Variants in KRT75 observed in about 807,000 individuals in gnomAD.
KRT75 encodes the protein keratin 75, also known as keratin, type II cytoskeletal 75.
In KRT75, 35 loss-of-function variants were observed where a neutral mutation model predicts 48.8. That is an observed-to-expected ratio of 0.72 (90% CI 0.55 to 0.95). The LOEUF is 0.95. KRT75 is among the 40% of genes least tolerant of loss of function. The pLI, the probability that KRT75 is intolerant of heterozygous loss-of-function variation, is 0.00. For missense variants in KRT75, 776 were observed against 709.9 expected (o/e 1.09, Z -1.06); for synonymous variants, 301 against 282.3 (o/e 1.07, Z -0.66).
At chr12:52,426,646 C>T (rs1940079050) in intron 8 of KRT75, among the ~76,000 whole-genome samples, 171 bp downstream of exon 8, 2 of 152,216 alleles carry the variant, frequency 1.3e-5, no homozygotes, top group African/African-American at 2.4e-5. Flanking sequence ...TTAAAGACTC[C>T]TAATATGGCT....
At chr12:52,432,202 A>C in intron 2 of KRT75, 136 bp from the exon 3 acceptor site, 1 of 760,354 alleles carries the variant, frequency 1.3e-6, no homozygotes, top group Non-Finnish European at 2.2e-6. Flanking sequence ...TGGGTGATTC[A>C]TTTAACCTCT....
chr12:52,428,941 C>A (rs928944625), intron 5 of KRT75, among the ~76,000 whole-genome samples, 198 bp from the exon 6 acceptor site: 1 of 152,178 alleles, frequency 6.6e-6, no homozygotes, highest in East Asian at 1.9e-4. Context: ...TAGTTCCACA[C>A]TAAGATAAGT....
intron 8 of KRT75, among the ~76,000 whole-genome samples, chr12:52,424,968 C>T (rs1022974457): frequency 3.9e-5 from 6 of 152,198 alleles, no homozygotes; most frequent in Admixed American, 1.3e-4. Context: ...ATGGCTTCCT[C>T]CTCCCCTTCC....
intron 7 of KRT75, among the ~76,000 whole-genome samples, chr12:52,427,168 G>A (rs1940085191): frequency 6.6e-6 from 1 of 152,220 alleles, no homozygotes; most frequent in Non-Finnish European, 1.5e-5. Flanking sequence ...CAACTGGAAA[G>A]AAGGGCCTGT....
chr12:52,424,778 G>C (rs1238869347), intron 8 of KRT75, 23 bp from the exon 9 acceptor site: 1 of 1,574,308 alleles, frequency 6.4e-7, no homozygotes, highest in Non-Finnish European at 8.7e-7. Flanking sequence ...GAGGAGGTGT[G>C]GTCAGATCAA....
chr12:52,433,975 G>A lies in KRT75; in HGVS notation c.330C>T (p.Gly110=). The A allele has an allele frequency of 6.2e-7, 1 of 1,614,156 alleles. No homozygotes were observed. The highest frequency in any genetic ancestry group is 8.5e-7 in the Non-Finnish European group (1 of 1,180,012). The change falls in exon 1 of 9, where the codon GGC becomes GGT. Residue 110 remains glycine (G), a synonymous_variant. Transcript: ENST00000252245. ...YGGGVGGGFS[G]PSFPVCPPGG... is the part of the protein sequence containing the mutation. ...CAGGGGGACACACGGGGAAGCTGGG[G>A]CCACTGAAGCCTCCTCCAACTCCAC...
intron 7 of KRT75, 179 bp downstream of exon 7, chr12:52,428,077 C>T: frequency 1.3e-6 from 1 of 798,986 alleles, no homozygotes; most frequent in Non-Finnish European, 2.0e-6. Flanking sequence ...GTAGTTGCAC[C>T]TCAAATGATT....
intron 8 of KRT75, 54 bp from the exon 9 acceptor site, chr12:52,424,809 G>A: frequency 2.2e-6 from 3 of 1,372,370 alleles, no homozygotes; most frequent in South Asian, 2.3e-5. Flanking sequence ...GAAGACAGCT[G>A]GGAGTGTGAG....
In KRT75 at chr12:52,428,332, C is replaced by G. The variant is rs572169334; in HGVS notation, c.1306G>C (p.Glu436Gln). ...DMARLLREYQ[E>Q]LMNIKLALDV... is the part of the protein sequence containing the mutation. Reference sequence around the variant, plus strand: ...AGGGCCAGCTTGATGTTCATCAGCTCCTGGTACTCACGCAGGAGCCGAGCC... The same window carrying G: ...AGGGCCAGCTTGATGTTCATCAGCTGCTGGTACTCACGCAGGAGCCGAGCC... Residue 436 changes from glutamate (E) to glutamine (Q), a missense_variant, in exon 7 of 9, where the codon GAG becomes CAG. Physicochemically the swap from Glu to Gln is conservative, Grantham distance 29 (BLOSUM62 2). Coordinates refer to ENST00000252245, the MANE Select transcript of KRT75 (RefSeq NM_004693.3). 6.2e-7 allele frequency: 1 copy of G among 1,613,960 alleles called. No individual in the cohort carries two copies. The highest frequency in any genetic ancestry group is 1.3e-5 in the African/African-American group (1 of 74,894).
chr12:52,424,856 G>T (rs1940058748), intron 8 of KRT75, 101 bp from the exon 9 acceptor site: 1 of 913,508 alleles, frequency 1.1e-6, no homozygotes, highest in Non-Finnish European at 1.8e-6. Flanking sequence ...GGGAGGGGGT[G>T]GTCTCGTCAG....
chr12:52,432,941 G>A (rs369685904), intron 2 of KRT75, 97 bp downstream of exon 2: 70 of 1,248,398 alleles, frequency 5.6e-5, no homozygotes, highest in African/African-American at 4.6e-4. Context: ...CAAAGCTCCC[G>A]GCTGATATCG....
chr12:52,429,943 C>T (rs1417325760), intron 5 of KRT75, among the ~76,000 whole-genome samples: 1 of 152,206 alleles, frequency 6.6e-6, no homozygotes, highest in African/African-American at 2.4e-5. Context: ...CAGCCTTCCT[C>T]TTCCTGACAT....
intron 2 of KRT75, 90 bp downstream of exon 2, chr12:52,432,948 A>G: frequency 1.5e-6 from 2 of 1,315,000 alleles, no homozygotes; most frequent in Non-Finnish European, 1.1e-6. Flanking sequence ...CCCGGCTGAT[A>G]TCGGCATTTG....
rs1207796176 is a variant in KRT75, at chr12:52,424,542, G to A, written c.1631C>T (p.Ser544Phe). The A allele has an allele frequency of 8.1e-6, 13 of 1,614,198 alleles. No individual in the cohort carries two copies. Among genetic ancestry groups the A allele is most frequent in the Non-Finnish European group, 1.1e-5 (13 of 1,180,028 alleles). ...SSVKFVSTTS[S>F]SQKSYTH Reference sequence around the variant, plus strand: ...TTAGTGCGTGTAGCTCTTCTGGCTGGAGGATGTGGTGGAGACAAACTTGAC... The same window carrying A: ...TTAGTGCGTGTAGCTCTTCTGGCTGAAGGATGTGGTGGAGACAAACTTGAC... Residue 544 changes from serine (S) to phenylalanine (F), a missense_variant, in exon 9 of 9, where the codon TCC (serine) becomes TTC (phenylalanine). Transcript: ENST00000252245.
Position 52,433,125 on chromosome 12 carries a change from C to T in KRT75, c.626G>A (p.Arg209Gln), listed in dbSNP as rs2232390. Residue 209 changes from arginine to glutamine, a missense_variant, in exon 2 of 9, where the codon CGG becomes CAG. Transcript: ENST00000252245. ...CTCGGTGGTGATGCTTTCCAGCTGC[C>T]GTCGGAGCTCACTGGTATAGGAATC... is the stretch of plus-strand genomic sequence containing the variant. ...LFDSYTSELR[R>Q]QLESITTERG... The T allele has an allele frequency of 6.8e-4, 1,087 of 1,610,138 alleles. 1 individual carries two copies. The African/African-American group carries it at 8.6e-3, about 13-fold the overall frequency.
At chr12:52,431,853 C>T (rs1033509354) in intron 3 of KRT75, among the ~76,000 whole-genome samples, 153 bp downstream of exon 3, 18 of 152,144 alleles carry the variant, frequency 1.2e-4, no homozygotes, top group South Asian at 4.1e-4. Flanking sequence ...GGGCCATCAA[C>T]GTAGAGGGAA....
intron 4 of KRT75, among the ~76,000 whole-genome samples, chr12:52,431,165 C>T (rs1291293067): frequency 1.3e-5 from 2 of 151,440 alleles, no homozygotes; most frequent in South Asian, 2.1e-4. Context: ...TAGGAAGCCC[C>T]CTGACCAATG....
intron 8 of KRT75, among the ~76,000 whole-genome samples, chr12:52,425,442 A>T (rs1940065232): frequency 6.6e-6 from 1 of 152,200 alleles, no homozygotes; most frequent in African/African-American, 2.4e-5. Context: ...TGGAAATGGG[A>T]TCGTTGCAGG....
At position 52,434,146 on chromosome 12, in the gene KRT75, A is replaced by G. The variant is rs1199333992; in HGVS notation, c.159T>C (p.Ala53=). The G allele has an allele frequency of 1.9e-6, 3 of 1,614,086 alleles. No individual in the cohort carries two copies. The Admixed American group carries it at 5.0e-5, about 27-fold the overall frequency. ...GGCTGCGGCTTCCAAAGCTGGCCCC[A>G]GCACTGCTGATCCTTCCCAGGCCCC... is the stretch of plus-strand genomic sequence containing the variant. ...GSGGLGRISS[A]GASFGSRSLY... is the part of the protein sequence containing the mutation. The change falls in exon 1 of 9, where the codon GCT becomes GCC. Residue 53 remains alanine, a synonymous_variant. Transcript: ENST00000252245.
Sources: allele counts gnomAD v4.1 joint callset (sites outside exome capture counted in the v4.1 genomes callset), GRCh38; gene constraint gnomAD v4.1.1; transcripts MANE v1.5; gene names NCBI Gene and HGNC (gene_info 2026-07-23, HGNC 2026-07-21).